Variants in CCNK observed in about 807,000 individuals in gnomAD.
The protein encoded by CCNK is cyclin K.
A neutral mutation model predicts 65.0 loss-of-function variants in CCNK; 9 were observed. The ratio of observed to expected loss-of-function variants is 0.14; its 90% CI spans 0.08 to 0.24. The LOEUF (loss-of-function observed/expected upper bound fraction) is 0.24, where lower values mean the gene tolerates loss of function less well. Among genes scored for constraint, CCNK ranks in the 10% least tolerant of loss-of-function variants. CCNK has a pLI of 1.00. For missense variants in CCNK, 474 were observed against 720.0 expected, an observed-to-expected ratio of 0.66 and a Z score of 3.91; for synonymous variants, 279 against 270.8, an observed-to-expected ratio of 1.03 and a Z score of -0.30.
intron 1 of CCNK, among the ~76,000 whole-genome samples, chr14:99,484,325 A>G (rs1028315692): frequency 2.0e-5 from 3 of 152,270 alleles, no homozygotes; most frequent in Non-Finnish European, 4.4e-5. Flanking sequence ...CAGCAGACAC[A>G]CAATGGACAT....
intron 6 of CCNK, 55 bp downstream of exon 6, chr14:99,501,468 T>C (rs1286448549): frequency 2.6e-6 from 3 of 1,164,778 alleles, no homozygotes; most frequent in Non-Finnish European, 3.9e-6. Flanking sequence ...GCAGAGACTT[T>C]ATGGACCATT....
intron 9 of CCNK, chr14:99,504,927 G>C (rs1048038036): frequency 6.6e-6 from 1 of 152,304 alleles, no homozygotes; most frequent in African/African-American, 2.4e-5. Flanking sequence ...CGAGAGCAGA[G>C]GGGGAGGATG....
intron 1 of CCNK, among the ~76,000 whole-genome samples, chr14:99,490,246 A>G (rs1595306250): frequency 6.6e-6 from 1 of 152,238 alleles, no homozygotes; most frequent in African/African-American, 2.4e-5. Context: ...GGGAAAAATA[A>G]TAATTTACAG....
chr14:99,491,076 T>G (rs1462750140), intron 1 of CCNK, among the ~76,000 whole-genome samples: 2 of 152,198 alleles, frequency 1.3e-5, no homozygotes, highest in African/African-American at 2.4e-5. Flanking sequence ...TTAATAGCTG[T>G]GGGGTATGCT....
intron 2 of CCNK, 153 bp downstream of exon 2, chr14:99,493,027 CTCTT>C (rs1182833415): frequency 1.8e-5 from 13 of 733,554 alleles, no homozygotes; most frequent in Non-Finnish European, 2.7e-5. Flanking sequence ...GGGGGTTTTT[CTCTT>C]TCTGATTTGT....
chr14:99,499,572 A>G (rs1896775949), intron 4 of CCNK, among the ~76,000 whole-genome samples: 1 of 152,172 alleles, frequency 6.6e-6, no homozygotes, highest in South Asian at 2.1e-4. Flanking sequence ...CCTGTCTTTG[A>G]TGCCAAACAA....
Position 99,481,459 on chromosome 14 carries a change from G to A in CCNK, c.-73G>A, listed in dbSNP as rs1321482340. On this transcript the variant is annotated 5_prime_UTR_variant, in exon 1 of 11. Transcript: ENST00000389879. ...AGTCGGCAAGGAGAGACGTCGCTGA[G>A]GGGCTTGCCTGAAGCGAGGGGTGAG... is the stretch of plus-strand genomic sequence containing the variant. The A allele has an allele frequency of 7.5e-6, 3 of 398,592 alleles. No individual in the cohort carries two copies. Among genetic ancestry groups the A allele is most frequent in the Non-Finnish European group, 1.3e-5 (3 of 226,104 alleles). 24.7% of individuals were successfully genotyped at this position (398,592 alleles called of 1,614,324 possible).
chr14:99,481,831 C>T (rs1450148144), intron 1 of CCNK, among the ~76,000 whole-genome samples: 2 of 152,386 alleles, frequency 1.3e-5, no homozygotes, highest in African/African-American at 4.8e-5. Flanking sequence ...CTTCTCATAT[C>T]TCCCCGATTA....
intron 1 of CCNK, 124 bp downstream of exon 1, chr14:99,481,603 C>T (rs2139840361): frequency 5.1e-6 from 2 of 394,562 alleles, no homozygotes; most frequent in East Asian, 3.6e-5. Context: ...TGCCTCCCTC[C>T]GCTAACCTCC....
At chr14:99,491,597 T>G (rs1896599681) in intron 1 of CCNK, among the ~76,000 whole-genome samples, 2 of 152,236 alleles carry the variant, frequency 1.3e-5, no homozygotes, top group Non-Finnish European at 2.9e-5. Context: ...TACTTAATTC[T>G]TCCTCTTGGA....
intron 1 of CCNK, 113 bp from the exon 2 acceptor site, chr14:99,492,513 G>C: frequency 1.7e-6 from 1 of 603,342 alleles, no homozygotes; most frequent in Admixed American, 3.7e-5. Context: ...ACTGGCAATT[G>C]ACAGTGTGGT....
intron 2 of CCNK, 141 bp downstream of exon 2, chr14:99,493,015 GT>G: frequency 7.7e-6 from 6 of 777,824 alleles, no homozygotes; most frequent in Non-Finnish European, 1.1e-5. Context: ...GTTGTTTCTG[GT>G]GGGGGTTTTT....
intron 10 of CCNK, chr14:99,507,633 C>T (rs1316767402): frequency 6.4e-6 from 1 of 156,590 alleles, no homozygotes; most frequent in Non-Finnish European, 1.4e-5. Context: ...TATTTTCCGA[C>T]CTCTCACATC....
chr14:99,501,519 G>C (rs1327614878), intron 6 of CCNK, 106 bp downstream of exon 6: 9 of 809,318 alleles, frequency 1.1e-5, no homozygotes, highest in Non-Finnish European at 1.8e-5. Flanking sequence ...AAACTGACTT[G>C]CCCTGGCTTG....
rs146371082 is a variant in CCNK at position 99,505,838 on chromosome 14, C to G, written c.1046-1238C>G. 9.6e-4 allele frequency: 146 copies of G among 152,336 alleles called. 1 individual carries two copies. The highest frequency in any genetic ancestry group is 3.4e-3 in the African/African-American group (140 of 41,554). 9.4% of individuals were successfully genotyped at this position (152,336 alleles called of 1,614,324 possible). On this transcript the variant is annotated intron_variant, in intron 9 of 10. Transcript: ENST00000389879. The stretch of plus-strand genomic sequence containing the variant: ...CATTACTACACTCCAGCCTGGGTGA[C>G]AGAGCGAGACCCTGTCTCAAAAAAT...
chr14:99,482,924 C>CA (rs1253520083), intron 1 of CCNK, among the ~76,000 whole-genome samples: 2 of 151,780 alleles, frequency 1.3e-5, no homozygotes, highest in African/African-American at 4.8e-5. Context: ...TGGATAAGGA[C>CA]AAAAAAATCT....
chr14:99,500,918 CTT>C, intron 5 of CCNK, 47 bp downstream of exon 5: 1 of 1,182,642 alleles, frequency 8.5e-7, no homozygotes, highest in Non-Finnish European at 1.2e-6. Flanking sequence ...GAAATCAAGT[CTT>C]TATAATTTGA....
At chr14:99,498,849 A>G (rs1057434375) in intron 4 of CCNK, among the ~76,000 whole-genome samples, 1 of 152,218 alleles carries the variant, frequency 6.6e-6, no homozygotes, top group African/African-American at 2.4e-5. Flanking sequence ...TCAAAGACCT[A>G]TAATGACCCC....
intron 3 of CCNK, chr14:99,494,485 A>C (rs996691753): frequency 1.3e-5 from 2 of 152,220 alleles, no homozygotes; most frequent in Non-Finnish European, 2.9e-5. Flanking sequence ...ATTTATATAC[A>C]TGCCTTCCTC....
Sources: allele counts gnomAD v4.1 joint callset (sites outside exome capture counted in the v4.1 genomes callset), GRCh38; gene constraint gnomAD v4.1.1; transcripts MANE v1.5; gene names NCBI Gene and HGNC (gene_info 2026-07-23, HGNC 2026-07-21).